SEC14L5: variants seen among roughly 807,000 people sequenced by gnomAD.
SEC14L5 encodes SEC14-like protein 5.
A neutral mutation model predicts 84.6 loss-of-function variants in SEC14L5; 96 were observed. The ratio of observed to expected loss-of-function variants is 1.13; its 90% CI spans 0.96 to 1.34. The LOEUF (loss-of-function observed/expected upper bound fraction) is 1.34. Among genes scored for constraint, SEC14L5 ranks in the 40% most tolerant of loss-of-function variants. The pLI is 0.00. For missense variants in SEC14L5, 1,224 were observed against 942.5 expected (o/e 1.30, Z -3.91); for synonymous variants, 546 against 383.4 (o/e 1.42, Z -4.95).
chr16:5,006,167 C>G, intron 12 of SEC14L5, 119 bp downstream of exon 12: 3 of 1,031,704 alleles, frequency 2.9e-6, no homozygotes, highest in Non-Finnish European at 1.4e-6. Flanking sequence ...GGCATGTGCA[C>G]TCTGCCTAGG....
intron 2 of SEC14L5, chr16:4,960,467 C>T (rs1218286871): frequency 1.3e-5 from 2 of 152,218 alleles, no homozygotes; most frequent in Non-Finnish European, 2.9e-5. Flanking sequence ...CTGTGTGTGC[C>T]TGTGTGTCCA....
chr16:5,013,550 CTTTTTTTTTTT>C (rs869041446), intron 15 of SEC14L5, among the ~76,000 whole-genome samples: 2 of 44,934 alleles, frequency 4.5e-5, no homozygotes, highest in Admixed American at 7.7e-4. Flanking sequence ...GCTTGCCTGG[CTTTTTTTTTTT>C]TTTTTTTTTT....
At chr16:4,959,149 C>G (rs1955088039) in intron 1 of SEC14L5, 124 bp from the exon 2 acceptor site, 1 of 617,976 alleles carries the variant, frequency 1.6e-6, no homozygotes, top group African/African-American at 1.8e-5. Context: ...GAATATCAGC[C>G]TTCTCAATTT....
chr16:4,984,506 T>G (rs1425008398), intron 2 of SEC14L5, among the ~76,000 whole-genome samples: 1 of 152,232 alleles, frequency 6.6e-6, no homozygotes, highest in Non-Finnish European at 1.5e-5. Context: ...ATTTGTGTAT[T>G]TTTTTGTGTG....
At chr16:4,978,799 C>T (rs1248242158) in intron 2 of SEC14L5, among the ~76,000 whole-genome samples, 1 of 152,140 alleles carries the variant, frequency 6.6e-6, no homozygotes, top group Non-Finnish European at 1.5e-5. Flanking sequence ...AGACGGGTTT[C>T]ACCGCGTTAG....
At position 5,017,140 on chromosome 16, in the gene SEC14L5, C is replaced by T. The variant is rs1265424427; in HGVS notation, c.*2170C>T. 5 of 142,948 alleles carry T rather than the reference C, an allele frequency of 3.5e-5. No individual in the cohort carries two copies. Among genetic ancestry groups the T allele is most frequent in the Admixed American group, 1.5e-4 (2 of 13,030 alleles). The allele number at this position is 142,948 out of a possible 1,614,324, so 8.9% of individuals were successfully genotyped here. A position where few individuals can be genotyped will look rare whatever the true frequency, so the allele number is the denominator to read the frequency against. ...CTAGCCCCAGAGAAGGACACAGAAGCCTTTTACGGAAGGAAGCTGGAACTG... is the reference window on the plus strand; with the variant it reads ...CTAGCCCCAGAGAAGGACACAGAAGTCTTTTACGGAAGGAAGCTGGAACTG... On this transcript the variant is annotated 3_prime_UTR_variant, in exon 16 of 16. Transcript: ENST00000251170.
At chr16:4,987,437 C>T (rs1238080511) in intron 2 of SEC14L5, 120 bp from the exon 3 acceptor site, 4 of 800,928 alleles carry the variant, frequency 5.0e-6, no homozygotes. Context: ...CCTGCCCCTT[C>T]CAGTGGCCAG....
intron 6 of SEC14L5, among the ~76,000 whole-genome samples, chr16:4,994,682 ATT>A (rs57838129): frequency 1.4e-5 from 2 of 144,378 alleles, no homozygotes; most frequent in Non-Finnish European, 1.5e-5. Context: ...GTATGTGCAC[ATT>A]TTTTTTTTTT....
intron 2 of SEC14L5, among the ~76,000 whole-genome samples, chr16:4,965,714 G>A (rs137980481): frequency 3.5e-4 from 51 of 144,872 alleles, no homozygotes; most frequent in East Asian, 8.1e-4. Flanking sequence ...GAATGGTACC[G>A]GTTATTCAAT....
rs1219222473 is a variant in SEC14L5 at position 5,017,824 on chromosome 16, A to C, written c.*2854A>C. 6.6e-6 allele frequency: 1 copy of C among 152,116 alleles called. No homozygotes were observed. The highest frequency in any genetic ancestry group is 1.9e-4 in the East Asian group (1 of 5,182). 9.4% of individuals were successfully genotyped at this position (152,116 alleles called of 1,614,324 possible). ...GGTCATTCTTCTTGCCTTCGGGAGG[A>C]CTGGAATTAAAAATAATCCAAGGAA... On this transcript the variant is annotated 3_prime_UTR_variant, in exon 16 of 16. Transcript: ENST00000251170.
rs371571869 is a variant in SEC14L5, at chr16:5,001,250, CTTTT to C, written c.1130+341_1130+344del. 3.2e-5 allele frequency among the ~76,000 whole-genome samples: 4 copies of C among 126,158 alleles called. No homozygotes were observed. The East Asian group carries it at 9.8e-4, about 31-fold the overall frequency. 82.8% of individuals were successfully genotyped at this position (126,158 alleles called of 152,430 possible). On this transcript the variant is annotated intron_variant, in intron 10 of 15. Coordinates refer to ENST00000251170, the MANE Select transcript of SEC14L5 (RefSeq NM_014692.2). ...CCACTCAACAGTCTCCTTGACTTTG[CTTTT>C]TTTTTTTTTTTTTTTCTTTTTTGAA... is the stretch of plus-strand genomic sequence containing the variant.
chr16:5,014,508 C>G (rs1367486847), intron 15 of SEC14L5, among the ~76,000 whole-genome samples: 1 of 152,230 alleles, frequency 6.6e-6, no homozygotes, highest in African/African-American at 2.4e-5. Flanking sequence ...AAGGCCACTG[C>G]AAGAGCTAGG....
intron 1 of SEC14L5, among the ~76,000 whole-genome samples, chr16:4,958,875 G>C (rs1384947401): frequency 2.0e-5 from 3 of 152,238 alleles, no homozygotes; most frequent in African/African-American, 7.2e-5. Context: ...GCAGGTGCAA[G>C]GAGACTCGGG....
chr16:5,006,707 C>G (rs1466584670), intron 12 of SEC14L5, among the ~76,000 whole-genome samples: 1 of 152,206 alleles, frequency 6.6e-6, no homozygotes, highest in Non-Finnish European at 1.5e-5. Context: ...CCAGGCTTGC[C>G]TGTTCTCTCC....
At chr16:4,976,644 C>G (rs987702227) in intron 2 of SEC14L5, among the ~76,000 whole-genome samples, 3 of 152,196 alleles carry the variant, frequency 2.0e-5, no homozygotes, top group Non-Finnish European at 4.4e-5. Flanking sequence ...TATGGATTTT[C>G]CAGGATGGGG....
intron 15 of SEC14L5, among the ~76,000 whole-genome samples, chr16:5,013,947 C>G (rs939922784): frequency 6.6e-6 from 1 of 152,164 alleles, no homozygotes; most frequent in Non-Finnish European, 1.5e-5. Flanking sequence ...CCTGCCTCAG[C>G]CTTTCAAAGT....
chr16:4,997,793 C>T (rs1193882496), intron 8 of SEC14L5, among the ~76,000 whole-genome samples: 1 of 152,102 alleles, frequency 6.6e-6, no homozygotes, highest in East Asian at 1.9e-4. Flanking sequence ...TTTCCAGCTT[C>T]TGGTGGACCC....
In SEC14L5 at chr16:5,001,541, G is replaced by C. The variant is rs576553737; in HGVS notation, c.1130+616G>C. 3.3e-3 allele frequency among the ~76,000 whole-genome samples: 496 copies of C among 152,162 alleles called. 3 individuals are homozygous for C. Among genetic ancestry groups the C allele is most frequent in the African/African-American group, 0.011 (454 of 41,520 alleles). Reference sequence around the variant, plus strand: ...CCCAAAGTGCTGGGATTACAGGCGTGAGCCACCACTCACAGCCTGACTTTG... The same window carrying C: ...CCCAAAGTGCTGGGATTACAGGCGTCAGCCACCACTCACAGCCTGACTTTG... On this transcript the variant is annotated intron_variant, in intron 10 of 15. Coordinates refer to ENST00000251170, the MANE Select transcript of SEC14L5 (RefSeq NM_014692.2).
intron 2 of SEC14L5, among the ~76,000 whole-genome samples, chr16:4,964,206 G>T (rs1298213631): frequency 1.3e-5 from 2 of 152,144 alleles, no homozygotes; most frequent in Non-Finnish European, 2.9e-5. Flanking sequence ...AGGCCATGTG[G>T]CTCAGGTCGC....
Sources: gnomAD v4.1 joint callset for allele counts (sites outside exome capture counted in the v4.1 genomes callset) on GRCh38, gnomAD v4.1.1 for gene constraint, MANE v1.5 for transcripts, NCBI Gene and HGNC (gene_info 2026-07-23, HGNC 2026-07-21) for gene names.